Variants in QTMAN observed in about 807,000 individuals in gnomAD.
QTMAN encodes the protein queuosine-tRNA mannosyltransferase.
the QTMAN span, among the ~76,000 whole-genome samples, chr2:144,248,796 A>G: frequency 2.0e-5 from 3 of 151,786 alleles, no homozygotes; most frequent in Non-Finnish European, 4.4e-5. Context: ...GAGGGATAAT[A>G]GTCATATAAA....
At chr2:144,293,603 T>A in the QTMAN span, among the ~76,000 whole-genome samples, 1 of 152,214 alleles carries the variant, frequency 6.6e-6, no homozygotes. Flanking sequence ...CAAACTGAAC[T>A]AAGTAAAGAC....
chr2:144,069,561 A>G, the QTMAN span, among the ~76,000 whole-genome samples: 1 of 152,062 alleles, frequency 6.6e-6, no homozygotes, highest in Non-Finnish European at 1.5e-5. Context: ...ATGTCAGAAA[A>G]ACATTAAGAA....
chr2:144,268,640 T>C, the QTMAN span, among the ~76,000 whole-genome samples: 4 of 152,348 alleles, frequency 2.6e-5, no homozygotes, highest in South Asian at 2.1e-4. Flanking sequence ...CAGTTGAGGA[T>C]GTATTTGTTA....
At chr2:144,332,247 C>G in the QTMAN span, among the ~76,000 whole-genome samples, 1 of 151,498 alleles carries the variant, frequency 6.6e-6, no homozygotes, top group South Asian at 2.1e-4. Context: ...GCCCGGGAAG[C>G]GCGCGGCTCT....
At chr2:143,990,049 G>A in the QTMAN span, among the ~76,000 whole-genome samples, 1 of 152,074 alleles carries the variant, frequency 6.6e-6, no homozygotes, top group African/African-American at 2.4e-5. Context: ...CTCAGTGTGG[G>A]GGGCTTGCAC....
At chr2:144,125,158 T>G in the QTMAN span, among the ~76,000 whole-genome samples, 2 of 152,048 alleles carry the variant, frequency 1.3e-5, no homozygotes, top group African/African-American at 4.8e-5. Context: ...CTCCAGCCAT[T>G]AAGAGCCAAA....
At chr2:144,053,459 A>G in the QTMAN span, among the ~76,000 whole-genome samples, 1 of 152,236 alleles carries the variant, frequency 6.6e-6, no homozygotes, top group Non-Finnish European at 1.5e-5. Context: ...TTTATTATTC[A>G]GTATATTATT....
At chr2:144,301,798 G>A in the QTMAN span, among the ~76,000 whole-genome samples, 122 of 152,310 alleles carry the variant, frequency 8.0e-4, no homozygotes, top group African/African-American at 2.8e-3. Flanking sequence ...CAAGACCTCT[G>A]AAGGCCACTG....
At chr2:143,946,819 T>G in the QTMAN span, 1 of 529,546 alleles carries the variant, frequency 1.9e-6, no homozygotes, top group Non-Finnish European at 3.3e-6. Flanking sequence ...TGTGTAACCA[T>G]CATAACGTCT....
chr2:143,975,653 C>A, the QTMAN span, among the ~76,000 whole-genome samples: 1 of 152,150 alleles, frequency 6.6e-6, no homozygotes, highest in African/African-American at 2.4e-5. Flanking sequence ...TGATGTATGC[C>A]ACTTTCAGAC....
chr2:144,037,117 T>C, the QTMAN span, among the ~76,000 whole-genome samples: 1 of 152,116 alleles, frequency 6.6e-6, no homozygotes, highest in Non-Finnish European at 1.5e-5. Flanking sequence ...GAAGTAGGAA[T>C]GAGGAGACAC....
At chr2:144,234,779 TG>T in the QTMAN span, among the ~76,000 whole-genome samples, 3 of 152,312 alleles carry the variant, frequency 2.0e-5, no homozygotes, top group African/African-American at 7.2e-5. Flanking sequence ...TGCCCAGTTT[TG>T]TTCACGGCCA....
chr2:144,063,527 T>C, the QTMAN span, among the ~76,000 whole-genome samples: 1 of 152,230 alleles, frequency 6.6e-6, no homozygotes. Flanking sequence ...AATGGAATTC[T>C]TATGTCTAAG....
chr2:144,180,153 T>C, the QTMAN span, among the ~76,000 whole-genome samples: 1 of 152,168 alleles, frequency 6.6e-6, no homozygotes, highest in Non-Finnish European at 1.5e-5. Flanking sequence ...TAAATGACCA[T>C]ACCTAAGTCA....
At chr2:144,007,138 T>C in the QTMAN span, 16 of 1,097,898 alleles carry the variant, frequency 1.5e-5, no homozygotes, top group Non-Finnish European at 2.1e-5. Context: ...TATTTTCTTT[T>C]ACCAGTTCTA....
the QTMAN span, among the ~76,000 whole-genome samples, chr2:144,064,171 G>C: frequency 2.0e-5 from 3 of 152,072 alleles, no homozygotes; most frequent in Non-Finnish European, 4.4e-5. Context: ...ACAGTGAACA[G>C]GAAGGCAAGA....
chr2:143,981,524 G>A, the QTMAN span, among the ~76,000 whole-genome samples: 2 of 152,148 alleles, frequency 1.3e-5, no homozygotes, highest in African/African-American at 4.8e-5. Context: ...AACCCATTCC[G>A]AAACTTGTTT....
the QTMAN span, among the ~76,000 whole-genome samples, chr2:143,991,080 A>G: frequency 6.6e-6 from 1 of 152,158 alleles, no homozygotes; most frequent in Non-Finnish European, 1.5e-5. Context: ...AATATATTAT[A>G]AAAAGACATG....
At chr2:143,993,635 G>A in the QTMAN span, among the ~76,000 whole-genome samples, 1 of 152,152 alleles carries the variant, frequency 6.6e-6, no homozygotes, top group Non-Finnish European at 1.5e-5. Context: ...ATCAGAAACT[G>A]AGCCTCTGGA....
Sources: gnomAD v4.1 joint callset for allele counts (sites outside exome capture counted in the v4.1 genomes callset) on GRCh38, gnomAD v4.1.1 for gene constraint, MANE v1.5 for transcripts, NCBI Gene and HGNC (gene_info 2026-07-23, HGNC 2026-07-21) for gene names.